The following FGGY variants were observed in gnomAD, a reference collection of about 807,000 sequenced individuals.
FGGY encodes the protein FGGY carbohydrate kinase domain-containing protein.
FGGY carries 72 observed loss-of-function variants against 71.3 expected under a neutral mutation model. That is an observed-to-expected ratio of 1.01 (90% confidence interval 0.84 to 1.23). FGGY has a LOEUF of 1.23. Ranked by LOEUF, FGGY falls within the 50% of genes most tolerant of loss-of-function variation. FGGY has a pLI of 0.00. For missense variants in FGGY, 668 were observed against 682.3 expected, an observed-to-expected ratio of 0.98 and a Z score of 0.23; for synonymous variants, 251 against 250.3, an observed-to-expected ratio of 1.00 and a Z score of -0.02.
chr1:59,396,961 A>G (rs1050755431), intron 5 of FGGY, among the ~76,000 whole-genome samples: 1 of 152,156 alleles, frequency 6.6e-6, no homozygotes, highest in Non-Finnish European at 1.5e-5. Context: ...CTGGTATTCC[A>G]AGGATCGAAA....
intron 14 of FGGY, among the ~76,000 whole-genome samples, chr1:59,696,548 G>T (rs904306418): frequency 7.9e-5 from 12 of 152,326 alleles, no homozygotes; most frequent in African/African-American, 2.9e-4. Context: ...GATTCACATG[G>T]TGAGCAAGTG....
chr1:59,709,466 TCACACACACACACA>T (rs111353878), intron 14 of FGGY, among the ~76,000 whole-genome samples: 7 of 142,770 alleles, frequency 4.9e-5, no homozygotes, highest in African/African-American at 1.0e-4. Flanking sequence ...TGAAACTATA[TCACACACACACACA>T]CACACACACA....
At chr1:59,614,508 A>T (rs866447862) in intron 9 of FGGY, among the ~76,000 whole-genome samples, 48 of 152,202 alleles carry the variant, frequency 3.2e-4, no homozygotes, top group African/African-American at 1.1e-3. Flanking sequence ...TCAAAATAGT[A>T]AGAGCTATCT....
chr1:59,721,914 A>G (rs1407102476), intron 14 of FGGY, among the ~76,000 whole-genome samples: 3 of 152,336 alleles, frequency 2.0e-5, no homozygotes, highest in African/African-American at 7.2e-5. Flanking sequence ...GCAATATCCA[A>G]TAGTGTTTAC....
chr1:59,743,790 GT>G lies in FGGY; in HGVS notation c.1513-14138del, dbSNP rs200219076. On this transcript the variant is annotated intron_variant, in intron 14 of 15. Coordinates refer to ENST00000303721, the MANE Select transcript of FGGY (RefSeq NM_018291.5). Reference sequence around the variant, plus strand: ...AGTACAACCCAAAAATAAACTTTGTGTTTCCAAACCAAGAAGCTTCTACAAC... The same window carrying G: ...AGTACAACCCAAAAATAAACTTTGTGTTCCAAACCAAGAAGCTTCTACAAC... Among the ~76,000 whole-genome samples the G allele has an allele frequency of 7.7e-3, 1,173 of 152,302 alleles. 10 individuals carry two copies. The highest frequency in any genetic ancestry group is 0.031 in the Middle Eastern group (9 of 294).
intron 9 of FGGY, among the ~76,000 whole-genome samples, chr1:59,615,856 C>G (rs2096746991): frequency 6.6e-6 from 1 of 152,110 alleles, no homozygotes. Flanking sequence ...AGACACTTCT[C>G]AAATGAAGAC....
At chr1:59,625,933 T>C in intron 9 of FGGY, 55 bp from the exon 10 acceptor site, 1 of 1,374,800 alleles carries the variant, frequency 7.3e-7, no homozygotes, top group East Asian at 2.5e-5. Context: ...AATTTTTCTA[T>C]CTTATACATA....
chr1:59,505,753 C>T (rs1463049760), intron 6 of FGGY, among the ~76,000 whole-genome samples: 2 of 152,064 alleles, frequency 1.3e-5, no homozygotes, highest in South Asian at 2.1e-4. Flanking sequence ...TTTCTGTCTC[C>T]CAGCAGTCCA....
chr1:59,758,163 G>C (rs1447627522), intron 15 of FGGY, among the ~76,000 whole-genome samples, 171 bp downstream of exon 15: 1 of 152,194 alleles, frequency 6.6e-6, no homozygotes, highest in Non-Finnish European at 1.5e-5. Flanking sequence ...ACCTAAGGCT[G>C]CAGAACTATG....
rs183876092 is a variant in FGGY at position 59,300,740 on chromosome 1, A to G, written c.-15+3590A>G. ...TCCAGCACTGTTTGCTGAAAAGCCT[A>G]TCTTCATTGAATTGCCTTTGCACCT... On this transcript the variant is annotated intron_variant, in intron 1 of 15. Coordinates refer to ENST00000303721, the MANE Select transcript of FGGY (RefSeq NM_018291.5). 2.6e-3 allele frequency among the ~76,000 whole-genome samples: 391 copies of G among 152,170 alleles called. 2 individuals carry two copies. Among genetic ancestry groups the G allele is most frequent in the Non-Finnish European group, 3.9e-3 (268 of 67,992 alleles).
At chr1:59,561,285 C>G (rs758848123) in intron 8 of FGGY, among the ~76,000 whole-genome samples, 1 of 152,142 alleles carries the variant, frequency 6.6e-6, no homozygotes, top group Non-Finnish European at 1.5e-5. Flanking sequence ...TCTTTGTTTA[C>G]CAGGACCTGT....
chr1:59,638,952 T>G (rs1413289098), intron 11 of FGGY, among the ~76,000 whole-genome samples: 1 of 152,220 alleles, frequency 6.6e-6, no homozygotes, highest in East Asian at 1.9e-4. Flanking sequence ...CCAGATGAAC[T>G]TGGTGGGAGA....
intron 5 of FGGY, among the ~76,000 whole-genome samples, chr1:59,405,471 C>T (rs2153415069): frequency 6.6e-6 from 1 of 152,238 alleles, no homozygotes; most frequent in South Asian, 2.1e-4. Flanking sequence ...TAAAACCTGA[C>T]AAAAAGGTGT....
intron 5 of FGGY, among the ~76,000 whole-genome samples, chr1:59,432,493 T>C (rs563465392): frequency 6.6e-6 from 1 of 152,332 alleles, no homozygotes; most frequent in South Asian, 2.1e-4. Context: ...TAGTTTAGAA[T>C]TGAATTGTGG....
chr1:59,500,300 T>C (rs1450096918), intron 6 of FGGY, among the ~76,000 whole-genome samples: 7 of 152,158 alleles, frequency 4.6e-5, no homozygotes, highest in Non-Finnish European at 1.0e-4. Flanking sequence ...TTTAAAATCC[T>C]GAATAAAGAT....
chr1:59,660,121 G>C, intron 11 of FGGY, 98 bp from the exon 12 acceptor site: 1 of 1,072,392 alleles, frequency 9.3e-7, no homozygotes, highest in Non-Finnish European at 1.4e-6. Context: ...AACTTGTTTC[G>C]GCAAGAAAAC....
At chr1:59,516,135 C>T (rs2094643365) in intron 7 of FGGY, among the ~76,000 whole-genome samples, 1 of 152,134 alleles carries the variant, frequency 6.6e-6, no homozygotes, top group African/African-American at 2.4e-5. Flanking sequence ...CACCTTACAG[C>T]CAATCCAAGA....
chr1:59,626,078 T>C, intron 10 of FGGY, 29 bp downstream of exon 10: 1 of 1,603,112 alleles, frequency 6.2e-7, no homozygotes, highest in Non-Finnish European at 8.5e-7. Context: ...CCCTCTAAAA[T>C]TTTCCTTGTG....
At chr1:59,644,702 G>A (rs1202790908) in intron 11 of FGGY, among the ~76,000 whole-genome samples, 1 of 152,024 alleles carries the variant, frequency 6.6e-6, no homozygotes, top group Admixed American at 6.6e-5. Context: ...TATAGGCCGG[G>A]TGCGGTGGCT....
Sources: allele counts gnomAD v4.1 joint callset (sites outside exome capture counted in the v4.1 genomes callset), GRCh38; gene constraint gnomAD v4.1.1; transcripts MANE v1.5; gene names NCBI Gene and HGNC (gene_info 2026-07-23, HGNC 2026-07-21).